LCMT1: variants seen among roughly 807,000 people sequenced by gnomAD.
The protein encoded by LCMT1 is [Phosphatase 2A protein]-leucine-carboxy methyltransferase 1.
A neutral mutation model predicts 47.7 loss-of-function variants in LCMT1; 32 were observed. The ratio of observed to expected loss-of-function variants is 0.67; its 90% confidence interval spans 0.51 to 0.90. The LOEUF (loss-of-function observed/expected upper bound fraction) is 0.90. Among genes scored for constraint, LCMT1 ranks in the 40% least tolerant of loss-of-function variants. The pLI is 0.00. For missense variants in LCMT1, 375 were observed against 415.2 expected, an observed-to-expected ratio of 0.90 and a Z score of 0.84; for synonymous variants, 152 against 149.7, an observed-to-expected ratio of 1.02 and a Z score of -0.11.
At chr16:25,171,672 G>C (rs561807152) in intron 9 of LCMT1, among the ~76,000 whole-genome samples, 2 of 152,276 alleles carry the variant, frequency 1.3e-5, no homozygotes, top group East Asian at 3.9e-4. Flanking sequence ...GTTCAAGGAC[G>C]TATAAGGGGC....
At chr16:25,127,899 A>G (rs1056602023) in intron 1 of LCMT1, among the ~76,000 whole-genome samples, 5 of 152,200 alleles carry the variant, frequency 3.3e-5, no homozygotes, top group Non-Finnish European at 5.9e-5. Context: ...GACTGGCTAG[A>G]GAGAATTAAG....
intron 5 of LCMT1, among the ~76,000 whole-genome samples, chr16:25,159,432 A>AC: frequency 6.6e-6 from 1 of 152,108 alleles, no homozygotes; most frequent in Non-Finnish European, 1.5e-5. Flanking sequence ...ACACCTAGCT[A>AC]ATTTTTTAAA....
At chr16:25,162,834 G>T (rs1177181373) in intron 6 of LCMT1, among the ~76,000 whole-genome samples, 1 of 152,036 alleles carries the variant, frequency 6.6e-6, no homozygotes, top group East Asian at 1.9e-4. Flanking sequence ...GTAAATATAT[G>T]TTTTTCTTTA....
In LCMT1 at chr16:25,112,010, G is replaced by A; in HGVS notation, c.113+14G>A. 1.3e-6 allele frequency: 2 copies of A among 1,589,240 alleles called. No homozygotes were observed. The highest frequency in any genetic ancestry group is 1.7e-6 in the Non-Finnish European group (2 of 1,159,100). Reference sequence around the variant, plus strand: ...CCTGTGCAAGAGGTGCCTGTCGGGCGCGGGGTTCGGGGCCGGCATCTGGGG... The same window carrying A: ...CCTGTGCAAGAGGTGCCTGTCGGGCACGGGGTTCGGGGCCGGCATCTGGGG... On this transcript the variant is annotated intron_variant, in intron 1 of 10. Transcript: ENST00000399069.
At chr16:25,128,143 A>C (rs1960242471) in intron 1 of LCMT1, among the ~76,000 whole-genome samples, 1 of 152,212 alleles carries the variant, frequency 6.6e-6, no homozygotes, top group African/African-American at 2.4e-5. Context: ...ATGAGTTTGC[A>C]GAGTGAATAA....
intron 4 of LCMT1, chr16:25,142,361 A>T (rs1481557275): frequency 6.6e-6 from 1 of 152,224 alleles, no homozygotes; most frequent in Non-Finnish European, 1.5e-5. Flanking sequence ...TTGGTGACCA[A>T]AGCATTTAGC....
At chr16:25,115,262 C>A (rs1401083376) in intron 1 of LCMT1, among the ~76,000 whole-genome samples, 2 of 152,238 alleles carry the variant, frequency 1.3e-5, no homozygotes, top group Non-Finnish European at 2.9e-5. Context: ...GTTCCCTCTG[C>A]TGTTACCTCT....
intron 4 of LCMT1, among the ~76,000 whole-genome samples, chr16:25,150,490 A>C (rs903412172): frequency 6.6e-6 from 1 of 151,812 alleles, no homozygotes; most frequent in Admixed American, 6.6e-5. Flanking sequence ...GATTCCAGAC[A>C]TGTGCCACCA....
intron 1 of LCMT1, among the ~76,000 whole-genome samples, chr16:25,123,364 A>G (rs979271400): frequency 2.7e-5 from 4 of 150,618 alleles, no homozygotes; most frequent in Non-Finnish European, 4.4e-5. Context: ...AGCTGGGTTT[A>G]CAGACATGCA....
intron 3 of LCMT1, among the ~76,000 whole-genome samples, chr16:25,138,776 C>T (rs142335236): frequency 3.0e-4 from 46 of 152,298 alleles, no homozygotes; most frequent in African/African-American, 9.4e-4. Context: ...GTATTCAAAA[C>T]GCAGTATACC....
chr16:25,115,159 C>G (rs1959747104), intron 1 of LCMT1, among the ~76,000 whole-genome samples: 1 of 152,156 alleles, frequency 6.6e-6, no homozygotes. Context: ...GCTCTGACCC[C>G]TTTTTTCCAA....
chr16:25,112,490 C>T (rs1959653272), intron 1 of LCMT1, among the ~76,000 whole-genome samples: 1 of 152,230 alleles, frequency 6.6e-6, no homozygotes, highest in African/African-American at 2.4e-5. Context: ...CGCACTAAGT[C>T]TCCACTGTTA....
chr16:25,135,551 A>T (rs754155344), intron 3 of LCMT1, among the ~76,000 whole-genome samples: 2 of 152,168 alleles, frequency 1.3e-5, no homozygotes, highest in African/African-American at 4.8e-5. Context: ...CAGTTTGCCA[A>T]TCTCTGTTTT....
At position 25,132,514 on chromosome 16, in the gene LCMT1, G is replaced by C. The variant is rs1045604989; in HGVS notation, c.318G>C (p.Trp106Cys). 2.5e-6 allele frequency: 4 copies of C among 1,613,616 alleles called. No homozygotes were observed. The highest frequency in any genetic ancestry group is 3.4e-6 in the Non-Finnish European group (4 of 1,179,786). Residue 106 changes from tryptophan (W) to cysteine (C), a missense_variant, in exon 3 of 11, where the codon TGG (tryptophan) becomes TGC (cysteine). By Grantham distance (215) the Trp-to-Cys change is radical. Transcript: ENST00000399069. ...NLGAGMDTTFWRLKDEDLLPS... is the reference protein window; with the variant it reads ...NLGAGMDTTFCRLKDEDLLPS... ...GGGCAGGCATGGATACCACCTTCTG[G>C]AGATTAAAGGTATGTTCAAATTCCC...
intron 5 of LCMT1, chr16:25,158,855 C>T (rs1314578395): frequency 6.6e-6 from 1 of 152,198 alleles, no homozygotes; most frequent in African/African-American, 2.4e-5. Context: ...CTCAAGTCAT[C>T]AAATTCTATC....
chr16:25,169,680 A>C (rs1458481472), intron 8 of LCMT1: 1 of 155,664 alleles, frequency 6.4e-6, no homozygotes, highest in Non-Finnish European at 1.4e-5. Flanking sequence ...ACCATTTCAC[A>C]GATCATACAA....
chr16:25,131,673 A>T (rs1239613572), intron 2 of LCMT1, among the ~76,000 whole-genome samples: 1 of 152,096 alleles, frequency 6.6e-6, no homozygotes, highest in Non-Finnish European at 1.5e-5. Flanking sequence ...AGACCTTGTG[A>T]TCTTTTCTTC....
At chr16:25,151,692 GTT>G (rs1961085499) in intron 5 of LCMT1, 77 bp downstream of exon 5, 4 of 620,198 alleles carry the variant, frequency 6.4e-6, no homozygotes, top group Non-Finnish European at 7.7e-6. Flanking sequence ...TGGGGTTTGT[GTT>G]GGGTGTGTGT....
At chr16:25,114,294 T>G (rs1480430096) in intron 1 of LCMT1, among the ~76,000 whole-genome samples, 2 of 152,104 alleles carry the variant, frequency 1.3e-5, no homozygotes, top group Non-Finnish European at 2.9e-5. Context: ...GCTGTGCAGG[T>G]GAAATGTGGA....
Sources: allele counts gnomAD v4.1 joint callset (sites outside exome capture counted in the v4.1 genomes callset), GRCh38; gene constraint gnomAD v4.1.1; transcripts MANE v1.5; gene names NCBI Gene and HGNC (gene_info 2026-07-23, HGNC 2026-07-21).